Variants in GPCPD1 observed in about 807,000 individuals in gnomAD.
The protein encoded by GPCPD1 is glycerophosphocholine phosphodiesterase 1.
Under a neutral mutation model 89.2 loss-of-function variants are expected in GPCPD1, and 29 were observed. The ratio of observed to expected loss-of-function variants is 0.33; its 90% confidence interval spans 0.24 to 0.44. The LOEUF is 0.44. GPCPD1 is among the 20% of genes least tolerant of loss of function. GPCPD1 has a pLI of 1.00. For synonymous variants in GPCPD1, 258 were observed against 266.3 expected, an observed-to-expected ratio of 0.97 and a Z score of 0.30; for missense variants, 594 against 808.9, an observed-to-expected ratio of 0.73 and a Z score of 3.22.
At chr20:5,603,440 G>A (rs1382190901) in intron 2 of GPCPD1, among the ~76,000 whole-genome samples, 5 of 152,130 alleles carry the variant, frequency 3.3e-5, no homozygotes, top group Admixed American at 1.3e-4. Flanking sequence ...GAAGGAACAG[G>A]GGGAGTATGA....
intron 14 of GPCPD1, among the ~76,000 whole-genome samples, chr20:5,566,152 T>C (rs1246548017): frequency 2.0e-5 from 3 of 152,228 alleles, no homozygotes; most frequent in Non-Finnish European, 2.9e-5. Context: ...AACACCTATA[T>C]CTATAGTACA....
chr20:5,606,758 G>A (rs1054036171), intron 1 of GPCPD1, among the ~76,000 whole-genome samples: 3 of 152,116 alleles, frequency 2.0e-5, no homozygotes, highest in African/African-American at 7.2e-5. Context: ...TTGAGATGAG[G>A]GTCAAGAGTC....
intron 6 of GPCPD1, among the ~76,000 whole-genome samples, chr20:5,580,367 C>T (rs1978372178): frequency 6.6e-6 from 1 of 152,020 alleles, no homozygotes; most frequent in Non-Finnish European, 1.5e-5. Context: ...GGAAAACAAT[C>T]CTTTCAGCAA....
At chr20:5,566,017 C>T (rs1039088997) in intron 14 of GPCPD1, among the ~76,000 whole-genome samples, 5 of 152,090 alleles carry the variant, frequency 3.3e-5, no homozygotes, top group African/African-American at 9.7e-5. Flanking sequence ...ATTACTAAGA[C>T]TCATAAAATA....
At chr20:5,602,016 C>T (rs1258517648) in intron 2 of GPCPD1, among the ~76,000 whole-genome samples, 1 of 152,180 alleles carries the variant, frequency 6.6e-6, no homozygotes, top group Non-Finnish European at 1.5e-5. Flanking sequence ...CCTCCACATA[C>T]TCTATTTGTA....
At chr20:5,561,669 AAC>A (rs1986088331) in intron 15 of GPCPD1, 139 bp from the exon 16 acceptor site, 1 of 547,520 alleles carries the variant, frequency 1.8e-6, no homozygotes, top group Non-Finnish European at 3.2e-6. Context: ...ATAATGCACA[AAC>A]ATATTTTGTC....
chr20:5,575,519 G>C lies in GPCPD1; in HGVS notation c.895C>G (p.Pro299Ala). 6.3e-7 allele frequency: 1 copy of C among 1,584,164 alleles called. No individual in the cohort carries two copies. The highest frequency in any genetic ancestry group is 8.7e-7 in the Non-Finnish European group (1 of 1,153,876). The stretch of plus-strand genomic sequence containing the variant: ...GATTTCATGTCACAACTGTATCCTG[G>C]TAATGGCTTAATAATTATATAGTCA... ...RVDYIIIKPL[P>A]GYSCDMKSSF... The change falls in exon 10 of 20, where the codon CCA (proline) becomes GCA (alanine). Residue 299 changes from proline to alanine, a missense_variant. Transcript: ENST00000379019.
chr20:5,576,108 T>TA (rs1491480898), intron 8 of GPCPD1, 130 bp from the exon 9 acceptor site: 36 of 289,592 alleles, frequency 1.2e-4, no homozygotes, highest in South Asian at 4.8e-4. Flanking sequence ...TATATATATA[T>TA]TTTTTTTTTC....
intron 3 of GPCPD1, among the ~76,000 whole-genome samples, chr20:5,597,195 AAT>A (rs1275429340): frequency 2.6e-5 from 4 of 152,306 alleles, no homozygotes; most frequent in South Asian, 4.1e-4. Flanking sequence ...TGGCTGAGAA[AAT>A]ATGTCATACT....
intron 1 of GPCPD1, among the ~76,000 whole-genome samples, chr20:5,607,488 G>C (rs961114903): frequency 1.6e-4 from 25 of 151,576 alleles, no homozygotes; most frequent in African/African-American, 5.3e-4. Context: ...TGAGGCAGGA[G>C]AATCACTTGA....
At chr20:5,595,263 T>C (rs973893002) in intron 3 of GPCPD1, among the ~76,000 whole-genome samples, 11 of 152,116 alleles carry the variant, frequency 7.2e-5, no homozygotes, top group African/African-American at 2.4e-4. Flanking sequence ...AACCTGCACG[T>C]TCTGCACATG....
chr20:5,598,484 A>G (rs1979888913), intron 3 of GPCPD1, among the ~76,000 whole-genome samples: 1 of 147,186 alleles, frequency 6.8e-6, no homozygotes. Context: ...GTAAAAATAA[A>G]AAATACATCT....
intron 9 of GPCPD1, 54 bp downstream of exon 9, chr20:5,575,762 C>G (rs1046389064): frequency 1.7e-6 from 2 of 1,175,916 alleles, no homozygotes; most frequent in Non-Finnish European, 1.2e-6. Flanking sequence ...TAATTTGAAA[C>G]TAATTAAAAT....
intron 11 of GPCPD1, 62 bp downstream of exon 11, chr20:5,573,853 G>A: frequency 1.1e-6 from 1 of 874,080 alleles, no homozygotes; most frequent in Non-Finnish European, 2.0e-6. Flanking sequence ...AAAAACTGGA[G>A]GAGACTCCCT....
chr20:5,592,169 C>T (rs1446647779), intron 4 of GPCPD1, among the ~76,000 whole-genome samples: 6 of 152,160 alleles, frequency 3.9e-5, no homozygotes, highest in African/African-American at 1.2e-4. Flanking sequence ...TAGTTGGTTT[C>T]ACATATTACA....
chr20:5,583,165 G>C (rs769646899), intron 6 of GPCPD1, among the ~76,000 whole-genome samples: 1 of 149,930 alleles, frequency 6.7e-6, no homozygotes, highest in Non-Finnish European at 1.5e-5. Flanking sequence ...CAGAGAGTGC[G>C]GTGAGCCAAG....
At chr20:5,578,128 G>C (rs1211179899) in intron 8 of GPCPD1, among the ~76,000 whole-genome samples, 1 of 152,072 alleles carries the variant, frequency 6.6e-6, no homozygotes, top group Non-Finnish European at 1.5e-5. Context: ...TTTACATTTA[G>C]ATTATTTAGC....
intron 3 of GPCPD1, among the ~76,000 whole-genome samples, chr20:5,596,226 C>T (rs1163299216): frequency 6.6e-6 from 1 of 151,776 alleles, no homozygotes; most frequent in African/African-American, 2.4e-5. Flanking sequence ...CACAGTGAAA[C>T]CTCATCTCTA....
Position 5,598,840 on chromosome 20 carries a change from C to A in GPCPD1, c.50-19G>T, listed in dbSNP as rs775686303. The A allele has an allele frequency of 6.7e-7, 1 of 1,481,634 alleles. No individual in the cohort carries two copies. Among genetic ancestry groups the A allele is most frequent in the Non-Finnish European group, 9.4e-7 (1 of 1,060,154 alleles). 91.8% of individuals were successfully genotyped at this position (1,481,634 alleles called of 1,614,324 possible). ...ACTTCTCCTAAAGAAACAGAACAAT[C>A]AGTCACAGAGAAACAGAACAATCAG... On this transcript the variant is annotated intron_variant, in intron 2 of 19. Coordinates refer to ENST00000379019, the MANE Select transcript of GPCPD1 (RefSeq NM_019593.5).
Sources: gnomAD v4.1 joint callset for allele counts (sites outside exome capture counted in the v4.1 genomes callset) on GRCh38, gnomAD v4.1.1 for gene constraint, MANE v1.5 for transcripts, NCBI Gene and HGNC (gene_info 2026-07-23, HGNC 2026-07-21) for gene names.